Variants in PPIE observed in about 807,000 individuals in gnomAD.
The protein encoded by PPIE is peptidylprolyl isomerase E, also known as peptidyl-prolyl cis-trans isomerase E.
A neutral mutation model predicts 38.4 loss-of-function variants in PPIE; 20 were observed. That is an observed-to-expected ratio of 0.52 (90% CI 0.37 to 0.76). PPIE has a LOEUF of 0.76. PPIE is among the 30% of genes least tolerant of loss of function. PPIE has a pLI of 0.00. For synonymous variants in PPIE, 142 were observed against 135.7 expected (o/e 1.05, Z -0.32); for missense variants, 322 against 385.8 (o/e 0.83, Z 1.39).
At chr1:39,759,163 C>CTTCTCG (rs946194472), downstream of PPIE, 51 of 152,352 alleles carry the variant, frequency 3.3e-4, no homozygotes, top group African/African-American at 1.1e-3. Flanking sequence ...CAGCAGTTTC[C>CTTCTCG]GAGAACAGCA....
intron 1 of PPIE, 118 bp downstream of exon 1, chr1:39,739,049 T>C: frequency 8.5e-7 from 1 of 1,179,986 alleles, no homozygotes; most frequent in Non-Finnish European, 1.1e-6. Context: ...AGGCCGGGTC[T>C]CTGGCGGTAG....
At chr1:39,762,081 A>G (rs1202767474) in intron 9 of PPIE, among the ~76,000 whole-genome samples, 1 of 152,204 alleles carries the variant, frequency 6.6e-6, no homozygotes. Flanking sequence ...CGTCCTCATC[A>G]TCCCTGGGCC....
chr1:39,753,608 T>C lies in PPIE; in HGVS notation c.*253T>C, dbSNP rs14528. The C allele has an allele frequency of 0.46, 605,146 of 1,327,276 alleles. 139,348 individuals carry two copies. Among genetic ancestry groups the C allele is most frequent in the South Asian group, 0.49 (23,466 of 47,912 alleles). The allele number at this position is 1,327,276 out of a possible 1,614,324, so 82.2% of individuals were successfully genotyped here. On this transcript the variant is annotated 3_prime_UTR_variant, in exon 10 of 10. Coordinates refer to ENST00000324379, the MANE Select transcript of PPIE (RefSeq NM_006112.4). ...ATGGGCAGGCTGTGCAAAAAGCCACTGGCTTTTCTCAGCATTTGCTGCTGG... is the reference window on the plus strand; with the variant it reads ...ATGGGCAGGCTGTGCAAAAAGCCACCGGCTTTTCTCAGCATTTGCTGCTGG...
intron 8 of PPIE, among the ~76,000 whole-genome samples, 184 bp downstream of exon 8, chr1:39,749,272 A>G (rs7518431): frequency 0.32 from 48,084 of 151,832 alleles, 7,926 homozygotes; most frequent in South Asian, 0.41. Context: ...ACATTCAGGT[A>G]CTGTTCATCC....
intron 9 of PPIE, chr1:39,763,155 C>T (rs1649248739): frequency 6.2e-7 from 1 of 1,614,038 alleles, no homozygotes; most frequent in Non-Finnish European, 8.5e-7. Context: ...AGGAGCACTC[C>T]CCCTCACAGT....
At chr1:39,756,863 T>C (rs1648328999), downstream of PPIE, among the ~76,000 whole-genome samples, 1 of 152,252 alleles carries the variant, frequency 6.6e-6, no homozygotes, top group Non-Finnish European at 1.5e-5. Flanking sequence ...ATTATTTTTT[T>C]GAGAAGTGAA....
chr1:39,760,494 G>C, downstream of PPIE: 1 of 1,614,192 alleles, frequency 6.2e-7, no homozygotes, highest in Admixed American at 1.7e-5. Flanking sequence ...TGTCATAGTA[G>C]AGCACAGAGG....
At chr1:39,762,518 T>TTTTGA (rs1373559814) in intron 9 of PPIE, 5 of 1,549,780 alleles carry the variant, frequency 3.2e-6, no homozygotes, top group Non-Finnish European at 4.4e-6. Context: ...TCCTTTAAGG[T>TTTTGA]TGCCCCAGAT....
Position 39,748,798 on chromosome 1 carries a change from C to T in PPIE, c.509-105C>T. 4 of 1,009,314 alleles carry T rather than the reference C, an allele frequency of 4.0e-6. No individual in the cohort carries two copies. The South Asian group carries it at 6.5e-5, about 16-fold the overall frequency. The allele number at this position is 1,009,314 out of a possible 1,614,324, so 62.5% of individuals were successfully genotyped here. ...TATCACAAAGGTTTATAATGAGTATCTCTTATTTTAAAACAAAAATATGAA... is the reference window on the plus strand; with the variant it reads ...TATCACAAAGGTTTATAATGAGTATTTCTTATTTTAAAACAAAAATATGAA... On this transcript the variant is annotated intron_variant, in intron 7 of 9. Coordinates refer to ENST00000324379, the MANE Select transcript of PPIE (RefSeq NM_006112.4).
In PPIE at chr1:39,745,460, A is replaced by T; in HGVS notation, c.470A>T (p.Gln157Leu). 3 of 1,614,254 alleles carry T rather than the reference A, an allele frequency of 1.9e-6. No individual in the cohort carries two copies. The South Asian group carries it at 3.3e-5, about 18-fold the overall frequency. Residue 157 changes from glutamine (Q) to leucine (L), a missense_variant, in exon 7 of 10, where the codon CAG becomes CTG. Gln to Leu is a moderately radical substitution (Grantham distance 113). Coordinates refer to ENST00000324379, the MANE Select transcript of PPIE (RefSeq NM_006112.4). Reference protein sequence around the residue: ...KIGNKPAGRIQMLLRSDVVPM... With the variant: ...KIGNKPAGRILMLLRSDVVPM... The stretch of plus-strand genomic sequence containing the variant: ...GGGAACAAGCCGGCTGGCCGCATCC[A>T]GATGCTCCTGCGTTCTGATGTCGTG...
At chr1:39,748,177 G>A (rs1469797957) in intron 7 of PPIE, 3 of 152,156 alleles carry the variant, frequency 2.0e-5, no homozygotes, top group Non-Finnish European at 4.4e-5. Context: ...CTCCTGTTCT[G>A]TGGGTTGCTT....
intron 1 of PPIE, 143 bp from the exon 2 acceptor site, chr1:39,740,022 G>A: frequency 1.6e-6 from 1 of 614,168 alleles, no homozygotes; most frequent in South Asian, 2.0e-5. Flanking sequence ...GTATGGGTGG[G>A]CAGAGATGAG....
chr1:39,755,182 C>A lies in PPIE; in HGVS notation c.*1827C>A, dbSNP rs1360994700. ...GAAGGCTTTTAGCAGGGACTGAGTC[C>A]TGTAGCTGTTGGACACCTCCTGTGG... On this transcript the variant is annotated 3_prime_UTR_variant, in exon 10 of 10. Coordinates refer to ENST00000324379, the MANE Select transcript of PPIE (RefSeq NM_006112.4). 3 of 985,340 alleles carry A rather than the reference C, an allele frequency of 3.0e-6. No homozygotes were observed. The highest frequency in any genetic ancestry group is 2.4e-6 in the Non-Finnish European group (2 of 829,948). The allele number at this position is 985,340 out of a possible 1,614,324, so 61.0% of individuals were successfully genotyped here.
chr1:39,763,684 T>C (rs1226463844), intron 9 of PPIE: 2 of 1,581,280 alleles, frequency 1.3e-6, no homozygotes, highest in South Asian at 1.1e-5. Context: ...TGATTGTCAT[T>C]TCAGAAACAA....
At chr1:39,739,628 T>C (rs987593916) in intron 1 of PPIE, among the ~76,000 whole-genome samples, 5 of 152,046 alleles carry the variant, frequency 3.3e-5, no homozygotes, top group Non-Finnish European at 5.9e-5. Context: ...ATGCCAGAGC[T>C]GATGAGCAGG....
chr1:39,753,075 C>T lies in PPIE; in HGVS notation c.837+23C>T, dbSNP rs139244869. 7.0e-4 allele frequency: 1,128 copies of T among 1,613,724 alleles called. 12 individuals are homozygous for T. The African/African-American group carries it at 0.012, about 18-fold the overall frequency. ...GAGGTATGTGGCCAGGAATGGGCCT[C>T]CTCCTTACCCAGGCCCTAGGAGCAC... On this transcript the variant is annotated intron_variant, in intron 9 of 9. Coordinates refer to ENST00000324379, the MANE Select transcript of PPIE (RefSeq NM_006112.4).
At position 39,763,764 on chromosome 1, in the gene PPIE, T is replaced by C. The variant is rs1350314293; in HGVS notation, c.*22T>C. The C allele has an allele frequency of 1.2e-6, 2 of 1,604,170 alleles. No individual in the cohort carries two copies. Among genetic ancestry groups the C allele is most frequent in the Non-Finnish European group, 1.7e-6 (2 of 1,174,984 alleles). ...GTAGAGCTCGTGCCGACGGCAGACCTGCCGGCCGTGGGAGCCGTGGACGTC... is the reference window on the plus strand; with the variant it reads ...GTAGAGCTCGTGCCGACGGCAGACCCGCCGGCCGTGGGAGCCGTGGACGTC... On this transcript the variant is annotated 3_prime_UTR_variant, in exon 10 of 10. Transcript: ENST00000356511.
chr1:39,743,847 A>G lies in PPIE; in HGVS notation c.307A>G (p.Lys103Glu). The G allele has an allele frequency of 1.2e-6, 2 of 1,613,884 alleles. No individual in the cohort carries two copies. Among genetic ancestry groups the G allele is most frequent in the Non-Finnish European group, 1.7e-6 (2 of 1,179,828 alleles). ...AGTTTGGTCAGATGATGACTGGTTG[A>G]AGAAGTTTTCTGGGAAGACGCTTGA... Reference protein sequence around the residue: ...RPVWSDDDWLKKFSGKTLEEN... With the variant: ...RPVWSDDDWLEKFSGKTLEEN... The change falls in exon 6 of 10, where the codon AAG (lysine) becomes GAG (glutamate). Residue 103 changes from lysine to glutamate, a missense_variant. Coordinates refer to ENST00000324379, the MANE Select transcript of PPIE (RefSeq NM_006112.4).
chr1:39,750,984 C>T (rs957452831), intron 8 of PPIE, among the ~76,000 whole-genome samples: 11 of 152,162 alleles, frequency 7.2e-5, no homozygotes, highest in African/African-American at 1.4e-4. Context: ...GTATAATACT[C>T]GAATATGTTT....
Sources: gnomAD v4.1 joint callset for allele counts (sites outside exome capture counted in the v4.1 genomes callset) on GRCh38, gnomAD v4.1.1 for gene constraint, MANE v1.5 for transcripts, NCBI Gene and HGNC (gene_info 2026-07-23, HGNC 2026-07-21) for gene names.